CAST: variants seen among roughly 807,000 people sequenced by gnomAD.
CAST encodes MIR583 host.
CAST carries 76 observed loss-of-function variants against 119.6 expected under a neutral mutation model. That is an observed-to-expected ratio of 0.64 (90% confidence interval 0.53 to 0.77). The LOEUF (loss-of-function observed/expected upper bound fraction) is 0.77. Ranked by LOEUF, CAST falls within the 30% of genes least tolerant of loss-of-function variation. CAST has a pLI of 0.00. For synonymous variants in CAST, 319 were observed against 331.6 expected (o/e 0.96, Z 0.41); for missense variants, 953 against 946.5 (o/e 1.01, Z -0.09).
the CAST span, among the ~76,000 whole-genome samples, chr5:96,219,754 CAGGCAGGAAGGA>C: frequency 2.8e-5 from 4 of 144,306 alleles, no homozygotes; most frequent in Admixed American, 7.0e-5. Context: ...GGAAGGCAGG[CAGGCAGGAAGGA>C]AGGAAGGAAG....
chr5:96,502,709 G>A, the CAST span, among the ~76,000 whole-genome samples: 1 of 150,720 alleles, frequency 6.6e-6, no homozygotes, highest in East Asian at 1.9e-4. Context: ...TTGGGGGTGA[G>A]GTGGGAGTTT....
the CAST span, among the ~76,000 whole-genome samples, chr5:96,486,698 T>G: frequency 8.5e-6 from 1 of 117,960 alleles, no homozygotes; most frequent in African/African-American, 3.7e-5. Context: ...TGTAGGATCT[T>G]TTGTGTTGGG....
chr5:96,481,933 C>T, the CAST span, among the ~76,000 whole-genome samples: 1 of 152,028 alleles, frequency 6.6e-6, no homozygotes, highest in South Asian at 2.1e-4. Context: ...TATCCCTTGA[C>T]AACTTAAAAA....
chr5:96,623,653 T>C (rs1156409482), intron 1 of CAST, among the ~76,000 whole-genome samples: 1 of 152,208 alleles, frequency 6.6e-6, no homozygotes, highest in Non-Finnish European at 1.5e-5. Context: ...GCATACCTTA[T>C]TGGAAGAAAA....
At chr5:96,014,221 C>A in the CAST span, among the ~76,000 whole-genome samples, 1 of 150,692 alleles carries the variant, frequency 6.6e-6, no homozygotes, top group African/African-American at 2.4e-5. Context: ...TAGGCCTACA[C>A]GGGGTCAGGA....
At chr5:96,641,829 C>A (rs575983237) in intron 1 of CAST, among the ~76,000 whole-genome samples, 9 of 152,298 alleles carry the variant, frequency 5.9e-5, no homozygotes, top group Admixed American at 3.9e-4. Flanking sequence ...CACAAAGCTC[C>A]CTCTAACTTT....
At chr5:96,299,013 A>C in the CAST span, among the ~76,000 whole-genome samples, 9 of 151,736 alleles carry the variant, frequency 5.9e-5, no homozygotes, top group Non-Finnish European at 1.3e-4. Context: ...GCCGAGGCGG[A>C]TGGATCACCT....
chr5:96,558,843 C>T (rs1264294047), intron 1 of CAST, among the ~76,000 whole-genome samples: 2 of 152,144 alleles, frequency 1.3e-5, no homozygotes, highest in African/African-American at 2.4e-5. Flanking sequence ...GGGAATCCTC[C>T]CTAACTCATT....
the CAST span, among the ~76,000 whole-genome samples, chr5:96,078,102 G>A: frequency 1.9e-3 from 291 of 152,330 alleles, 1 homozygote; most frequent in Middle Eastern, 6.8e-3. Flanking sequence ...TCACATGGCA[G>A]AGGGAGAGAG....
the CAST span, among the ~76,000 whole-genome samples, chr5:96,480,413 C>T: frequency 5.9e-5 from 9 of 152,208 alleles, no homozygotes; most frequent in East Asian, 3.9e-4. Flanking sequence ...AGGATGTACT[C>T]GATTCTAGAC....
chr5:96,195,233 C>T, the CAST span, among the ~76,000 whole-genome samples: 3 of 152,210 alleles, frequency 2.0e-5, no homozygotes, highest in African/African-American at 2.4e-5. Context: ...CAACGCACTT[C>T]TGAGTCACAA....
chr5:96,317,175 T>G, the CAST span, among the ~76,000 whole-genome samples: 2 of 152,020 alleles, frequency 1.3e-5, no homozygotes, highest in East Asian at 3.9e-4. Flanking sequence ...TATAAAGGTG[T>G]CATCCTGGCC....
At chr5:96,058,686 A>T in the CAST span, among the ~76,000 whole-genome samples, 1 of 152,036 alleles carries the variant, frequency 6.6e-6, no homozygotes, top group Non-Finnish European at 1.5e-5. Flanking sequence ...CCAGGAAGGG[A>T]ATGACTTGGC....
At chr5:96,447,585 C>T in the CAST span, among the ~76,000 whole-genome samples, 7 of 152,140 alleles carry the variant, frequency 4.6e-5, no homozygotes, top group African/African-American at 1.7e-4. Flanking sequence ...CTTAAAATTG[C>T]CTGAGTTTAA....
At chr5:96,383,439 A>T in the CAST span, among the ~76,000 whole-genome samples, 1 of 151,858 alleles carries the variant, frequency 6.6e-6, no homozygotes, top group Non-Finnish European at 1.5e-5. Flanking sequence ...CATGCTAAGC[A>T]TTTTGATTTT....
At chr5:96,498,234 T>C in the CAST span, among the ~76,000 whole-genome samples, 4 of 152,250 alleles carry the variant, frequency 2.6e-5, no homozygotes, top group Non-Finnish European at 5.9e-5. Flanking sequence ...TGTGTTTTGG[T>C]ACCAGTACCA....
In CAST at chr5:96,662,463, C is replaced by G. The variant is rs1370175740; in HGVS notation, c.41C>G (p.Pro14Arg). 2 of 1,435,242 alleles carry G rather than the reference C, an allele frequency of 1.4e-6. No homozygotes were observed. Among genetic ancestry groups the G allele is most frequent in the African/African-American group, 1.5e-5 (1 of 67,274 alleles). 88.9% of individuals were successfully genotyped at this position (1,435,242 alleles called of 1,614,324 possible). A position where few individuals can be genotyped will look rare whatever the true frequency, so the allele number is the denominator to read the frequency against. Residue 14 changes from proline (P) to arginine (R), a missense_variant, in exon 1 of 32, where the codon CCC becomes CGC. By Grantham distance (103) the Pro-to-Arg change is moderately radical. Coordinates refer to ENST00000675179, the MANE Select transcript of CAST (RefSeq NM_001750.7). ...PGQKPAASPR[P>R]RRAAAARRTH... ...CAGAAGCCCGCCGCCTCCCCGCGGC[C>G]CCGGCGAGCAGCCGCCGCCCGCCGC...
At chr5:96,139,556 A>G in the CAST span, among the ~76,000 whole-genome samples, 2,416 of 147,142 alleles carry the variant, frequency 0.016, 58 homozygotes, top group African/African-American at 0.056. Context: ...ATGTATATAT[A>G]TGTGTGTGTG....
At chr5:96,529,259 A>C (rs1201954547), upstream of CAST, among the ~76,000 whole-genome samples, 1 of 152,178 alleles carries the variant, frequency 6.6e-6, no homozygotes, top group Non-Finnish European at 1.5e-5. Flanking sequence ...ATTTAGTTGG[A>C]GCTATAAGCC....
Sources: gnomAD v4.1 joint callset for allele counts (sites outside exome capture counted in the v4.1 genomes callset) on GRCh38, gnomAD v4.1.1 for gene constraint, MANE v1.5 for transcripts, NCBI Gene and HGNC (gene_info 2026-07-23, HGNC 2026-07-21) for gene names.